The following DLG2 variants were observed in gnomAD, a reference collection of about 807,000 sequenced individuals.
DLG2 encodes the protein disks large homolog 2.
In DLG2, 45 loss-of-function variants were observed where a neutral mutation model predicts 132.5. The ratio of observed to expected loss-of-function variants is 0.34; its 90% CI spans 0.27 to 0.44. The LOEUF (loss-of-function observed/expected upper bound fraction) is 0.44, where lower values mean the gene tolerates loss of function less well. DLG2 is among the 20% of genes least tolerant of loss of function. The pLI, the probability that DLG2 is intolerant of heterozygous loss-of-function variation, is 1.00. For missense variants in DLG2, 1,045 were observed against 1,196.9 expected, an observed-to-expected ratio of 0.87 and a Z score of 1.87; for synonymous variants, 424 against 419.6, an observed-to-expected ratio of 1.01 and a Z score of -0.13.
chr11:83,558,687 C>T (rs889588067), intron 19 of DLG2, among the ~76,000 whole-genome samples: 10 of 152,182 alleles, frequency 6.6e-5, no homozygotes, highest in East Asian at 1.9e-4. Context: ...GCCACTGTAT[C>T]TCTACCTCTG....
chr11:84,988,015 A>G (rs1029341133), intron 6 of DLG2, among the ~76,000 whole-genome samples: 2 of 152,236 alleles, frequency 1.3e-5, no homozygotes, highest in African/African-American at 4.8e-5. Flanking sequence ...TTCACAATCT[A>G]TACATCTGGC....
At chr11:85,518,426 T>C (rs1342222461) in intron 3 of DLG2, among the ~76,000 whole-genome samples, 2 of 152,204 alleles carry the variant, frequency 1.3e-5, no homozygotes, top group African/African-American at 2.4e-5. Context: ...ATTTGGCCCC[T>C]GCACTAGAGA....
chr11:85,459,650 C>T (rs2092540512), intron 3 of DLG2, among the ~76,000 whole-genome samples: 1 of 152,124 alleles, frequency 6.6e-6, no homozygotes, highest in Non-Finnish European at 1.5e-5. Context: ...CATATAGTGG[C>T]TGTAGTGTGC....
chr11:85,332,038 C>T (rs1054265096), intron 3 of DLG2, among the ~76,000 whole-genome samples: 1 of 152,102 alleles, frequency 6.6e-6, no homozygotes, highest in African/African-American at 2.4e-5. Flanking sequence ...GAGAAATCTC[C>T]AAACAGCTTT....
intron 6 of DLG2, among the ~76,000 whole-genome samples, chr11:84,612,098 A>G (rs1469543342): frequency 6.6e-6 from 1 of 152,058 alleles, no homozygotes; most frequent in Non-Finnish European, 1.5e-5. Context: ...TCCCTTTACA[A>G]CTTTTCTCAT....
At chr11:84,473,260 G>T (rs1316098446) in intron 7 of DLG2, among the ~76,000 whole-genome samples, 1 of 152,002 alleles carries the variant, frequency 6.6e-6, no homozygotes, top group Non-Finnish European at 1.5e-5. Context: ...TGTCCACTAG[G>T]ATTGCATTGC....
At chr11:83,560,026 C>G (rs1257131001) in intron 19 of DLG2, among the ~76,000 whole-genome samples, 1 of 151,642 alleles carries the variant, frequency 6.6e-6, no homozygotes, top group African/African-American at 2.4e-5. Flanking sequence ...TATATGTAGT[C>G]AAACTTAATC....
At chr11:84,498,412 C>A (rs988423052) in intron 7 of DLG2, among the ~76,000 whole-genome samples, 3 of 152,024 alleles carry the variant, frequency 2.0e-5, no homozygotes, top group African/African-American at 7.3e-5. Context: ...CTAATGGAAC[C>A]CATCTTCTAA....
intron 6 of DLG2, among the ~76,000 whole-genome samples, chr11:84,966,725 G>A (rs1382248240): frequency 1.3e-5 from 2 of 152,120 alleles, no homozygotes; most frequent in Non-Finnish European, 2.9e-5. Context: ...GAAGATTTAT[G>A]TGCCCATGTA....
intron 3 of DLG2, among the ~76,000 whole-genome samples, chr11:85,567,258 G>A (rs1033462880): frequency 3.3e-5 from 5 of 152,128 alleles, no homozygotes; most frequent in Non-Finnish European, 7.3e-5. Flanking sequence ...TATCAATACA[G>A]GAAGTATTAC....
At chr11:84,940,819 G>T (rs1489203006) in intron 6 of DLG2, among the ~76,000 whole-genome samples, 2 of 152,134 alleles carry the variant, frequency 1.3e-5, no homozygotes, top group Non-Finnish European at 2.9e-5. Flanking sequence ...ATGACCTAGA[G>T]AGTTTCCTCA....
intron 7 of DLG2, among the ~76,000 whole-genome samples, chr11:84,483,163 T>C (rs1238980840): frequency 6.6e-6 from 1 of 152,168 alleles, no homozygotes; most frequent in Non-Finnish European, 1.5e-5. Context: ...CTGGGCACGG[T>C]GGCTCACACC....
chr11:85,598,008 T>A (rs2079894336), intron 3 of DLG2, among the ~76,000 whole-genome samples: 1 of 139,010 alleles, frequency 7.2e-6, no homozygotes, highest in Admixed American at 7.3e-5. Flanking sequence ...GAGATGTATA[T>A]AAAAAAAAAT....
intron 4 of DLG2, among the ~76,000 whole-genome samples, chr11:85,195,523 GTTT>G (rs34574453): frequency 0.06 from 8,072 of 133,618 alleles, 291 homozygotes; most frequent in African/African-American, 0.12. Context: ...AAGTGACAGT[GTTT>G]TTTTTTTTTT....
chr11:85,504,563 T>C (rs1410875134), intron 3 of DLG2, among the ~76,000 whole-genome samples: 1 of 152,200 alleles, frequency 6.6e-6, no homozygotes, highest in Non-Finnish European at 1.5e-5. Context: ...TTCTGTTCCA[T>C]TGGTCTATAT....
At chr11:84,568,704 A>G (rs1256193160) in intron 6 of DLG2, among the ~76,000 whole-genome samples, 1 of 152,142 alleles carries the variant, frequency 6.6e-6, no homozygotes, top group Non-Finnish European at 1.5e-5. Flanking sequence ...AGAGAAGCAA[A>G]GGTGCTAGAT....
chr11:83,971,087 G>T (rs192900010), intron 12 of DLG2, among the ~76,000 whole-genome samples: 1 of 152,266 alleles, frequency 6.6e-6, no homozygotes, highest in East Asian at 1.9e-4. Context: ...TGATTGGCTA[G>T]TTGCTCTTGT....
rs777965732 is a variant in DLG2 at position 85,614,332 on chromosome 11, T to TAAAAA, written c.-93+12250_-93+12254dup. 7.4e-3 allele frequency among the ~76,000 whole-genome samples: 1,122 copies of TAAAAA among 151,086 alleles called. 14 individuals carry two copies. Among genetic ancestry groups the TAAAAA allele is most frequent in the African/African-American group, 0.026 (1,095 of 41,326 alleles). On this transcript the variant is annotated intron_variant, in intron 2 of 27. Coordinates refer to ENST00000376104, the MANE Select transcript of DLG2 (RefSeq NM_001142699.3). ...CTTGAACCAGGTTTTTTTTTTTTTTTAAAAATTAACATTAAAATGTATAGT... is the reference window on the plus strand; with the variant it reads ...CTTGAACCAGGTTTTTTTTTTTTTTTAAAAAAAAAATTAACATTAAAATGTATAGT...
chr11:84,132,467 A>G (rs2094455513), intron 9 of DLG2, among the ~76,000 whole-genome samples: 1 of 152,012 alleles, frequency 6.6e-6, no homozygotes, highest in African/African-American at 2.4e-5. Flanking sequence ...TCCTGAACAC[A>G]CACATCACTT....
Sources: gnomAD v4.1 joint callset for allele counts (sites outside exome capture counted in the v4.1 genomes callset) on GRCh38, gnomAD v4.1.1 for gene constraint, MANE v1.5 for transcripts, NCBI Gene and HGNC (gene_info 2026-07-23, HGNC 2026-07-21) for gene names.